The following RBMS3 variants were observed in gnomAD, a reference collection of about 807,000 sequenced individuals.
The protein encoded by RBMS3 is RNA-binding motif, single-stranded-interacting protein 3.
Under a neutral mutation model 66.8 loss-of-function variants are expected in RBMS3, and 27 were observed. The ratio of observed to expected loss-of-function variants is 0.40; its 90% CI spans 0.30 to 0.56. RBMS3 has a LOEUF of 0.56. RBMS3 is among the 20% of genes least tolerant of loss of function. The probability of loss-of-function intolerance (pLI) is 0.40; values close to 1 mark genes in which losing one functional copy is unlikely to be tolerated. For missense variants in RBMS3, 513 were observed against 549.5 expected, an observed-to-expected ratio of 0.93 and a Z score of 0.66; for synonymous variants, 188 against 183.0, an observed-to-expected ratio of 1.03 and a Z score of -0.22.
chr3:29,937,059 A>G (rs941212953), intron 11 of RBMS3, among the ~76,000 whole-genome samples: 1 of 152,048 alleles, frequency 6.6e-6, no homozygotes, highest in African/African-American at 2.4e-5. Flanking sequence ...CAAAACATAG[A>G]AATAAAAATA....
At chr3:29,402,024 C>T (rs1420211528) in intron 1 of RBMS3, among the ~76,000 whole-genome samples, 1 of 151,894 alleles carries the variant, frequency 6.6e-6, no homozygotes, top group African/African-American at 2.4e-5. Flanking sequence ...GCAAAGATAC[C>T]AAGCTGGTGT....
At chr3:29,767,645 T>C (rs536264750) in intron 6 of RBMS3, 4 of 152,104 alleles carry the variant, frequency 2.6e-5, no homozygotes, top group African/African-American at 9.6e-5. Flanking sequence ...ACTATGTATG[T>C]ATATGAATAC....
At chr3:29,803,035 C>G (rs1193941623) in intron 6 of RBMS3, among the ~76,000 whole-genome samples, 1 of 152,090 alleles carries the variant, frequency 6.6e-6, no homozygotes, top group Non-Finnish European at 1.5e-5. Flanking sequence ...AGCCCTAGTA[C>G]TATAGCTCTC....
intron 3 of RBMS3, among the ~76,000 whole-genome samples, chr3:29,503,428 T>C (rs1017535918): frequency 6.6e-6 from 1 of 152,096 alleles, no homozygotes. Context: ...AGCACATGCT[T>C]TATTTCCTCG....
chr3:29,779,945 A>G (rs2056570140), intron 6 of RBMS3, among the ~76,000 whole-genome samples: 1 of 151,446 alleles, frequency 6.6e-6, no homozygotes, highest in African/African-American at 2.4e-5. Flanking sequence ...GGTTAAGCAC[A>G]TAACGGAATA....
At chr3:29,936,729 T>C (rs1435782651) in intron 11 of RBMS3, among the ~76,000 whole-genome samples, 1 of 152,122 alleles carries the variant, frequency 6.6e-6, no homozygotes, top group Admixed American at 6.5e-5. Flanking sequence ...ATGTGCTTGA[T>C]TTTTTCTTAT....
At chr3:29,473,826 G>A (rs1315489374) in intron 2 of RBMS3, among the ~76,000 whole-genome samples, 1 of 152,246 alleles carries the variant, frequency 6.6e-6, no homozygotes, top group Non-Finnish European at 1.5e-5. Flanking sequence ...ACGCCCACCT[G>A]GAAGTCCAGC....
At chr3:29,341,549 C>T (rs1009454835) in intron 1 of RBMS3, among the ~76,000 whole-genome samples, 1 of 151,700 alleles carries the variant, frequency 6.6e-6, no homozygotes, top group Non-Finnish European at 1.5e-5. Context: ...TCAATTTGAC[C>T]AGCAAGGTTA....
intron 12 of RBMS3, among the ~76,000 whole-genome samples, chr3:29,948,232 T>C (rs1318671353): frequency 6.6e-6 from 1 of 151,778 alleles, no homozygotes; most frequent in Non-Finnish European, 1.5e-5. Context: ...AATAAAGTTC[T>C]TCATTGGAGT....
At chr3:29,302,590 AATATTTATCC>A (rs2033753494) in intron 1 of RBMS3, among the ~76,000 whole-genome samples, 1 of 152,054 alleles carries the variant, frequency 6.6e-6, no homozygotes, top group Admixed American at 6.6e-5. Context: ...ATGCTGAAAT[AATATTTATCC>A]AGGTATATGT....
intron 5 of RBMS3, among the ~76,000 whole-genome samples, chr3:29,749,449 A>G (rs532235444): frequency 2.4e-4 from 36 of 152,324 alleles, no homozygotes; most frequent in Non-Finnish European, 4.6e-4. Flanking sequence ...AACAAGAATA[A>G]TGAATGGCCA....
At chr3:29,329,648 T>C (rs1378683393) in intron 1 of RBMS3, among the ~76,000 whole-genome samples, 2 of 151,898 alleles carry the variant, frequency 1.3e-5, no homozygotes, top group African/African-American at 4.8e-5. Flanking sequence ...TGATTGCCTA[T>C]TCAAAGAAAA....
chr3:29,801,736 G>A (rs992153590), intron 6 of RBMS3, among the ~76,000 whole-genome samples: 6 of 151,860 alleles, frequency 4.0e-5, no homozygotes, highest in South Asian at 2.1e-4. Context: ...AAATATGGTC[G>A]CCTTCTAGAA....
At chr3:29,994,910 A>G (rs1699116850) in intron 14 of RBMS3, among the ~76,000 whole-genome samples, 1 of 152,254 alleles carries the variant, frequency 6.6e-6, no homozygotes, top group South Asian at 2.1e-4. Flanking sequence ...GCAACGGAAC[A>G]AAGCTGGATG....
chr3:29,434,915 C>T lies in RBMS3; in HGVS notation c.248C>T (p.Pro83Leu), dbSNP rs751855649. The T allele has an allele frequency of 5.0e-6, 8 of 1,611,578 alleles. No homozygotes were observed. The highest frequency in any genetic ancestry group is 3.3e-5 in the South Asian group (3 of 90,728). ...CAGGACCTAATCAAGCTGTGCCAAC[C>T]GTAAGTGTCCTTCTGCTGCCCGTGC... is the stretch of plus-strand genomic sequence containing the variant. ...TDQDLIKLCQ[P>L]YGKIVSTKAI... The change falls in exon 2 of 15, where the codon CCG becomes CTG. Residue 83 changes from proline to leucine, a missense_variant and splice_region_variant. Pro to Leu is a moderately conservative substitution (Grantham distance 98). Transcript: ENST00000383767.
At chr3:29,669,927 G>T (rs944670995) in intron 4 of RBMS3, among the ~76,000 whole-genome samples, 4 of 152,142 alleles carry the variant, frequency 2.6e-5, no homozygotes, top group Non-Finnish European at 5.9e-5. Flanking sequence ...TCTTACACTG[G>T]TGTCCTTTGC....
chr3:29,549,082 T>C (rs1479900770), intron 3 of RBMS3, among the ~76,000 whole-genome samples: 4 of 141,646 alleles, frequency 2.8e-5, no homozygotes, highest in East Asian at 2.3e-4. Context: ...TTTTTTTTTT[T>C]CCATCCCTCT....
intron 5 of RBMS3, among the ~76,000 whole-genome samples, chr3:29,750,611 G>C (rs1576694196): frequency 2.0e-5 from 3 of 152,102 alleles, no homozygotes; most frequent in African/African-American, 7.2e-5. Context: ...AGGTAAACTT[G>C]TGTCATGGGG....
At chr3:29,988,976 G>T (rs560923488) in intron 13 of RBMS3, among the ~76,000 whole-genome samples, 5 of 152,168 alleles carry the variant, frequency 3.3e-5, no homozygotes, top group African/African-American at 1.2e-4. Context: ...TGATTCCTGA[G>T]TCCTATCCCC....
Sources: allele counts gnomAD v4.1 joint callset (sites outside exome capture counted in the v4.1 genomes callset), GRCh38; gene constraint gnomAD v4.1.1; transcripts MANE v1.5; gene names NCBI Gene and HGNC (gene_info 2026-07-23, HGNC 2026-07-21).